Variants in CACNA1I observed in about 807,000 individuals in gnomAD.
CACNA1I encodes the protein calcium voltage-gated channel subunit alpha1 I, also known as voltage-dependent T-type calcium channel subunit alpha-1I.
CACNA1I carries 74 observed loss-of-function variants against 201.6 expected under a neutral mutation model. The ratio of observed to expected loss-of-function variants is 0.37; its 90% confidence interval spans 0.30 to 0.45. CACNA1I has a LOEUF of 0.45. CACNA1I is among the 20% of genes least tolerant of loss of function. The pLI is 1.00. For missense variants in CACNA1I, 2,346 were observed against 3,138.1 expected, an observed-to-expected ratio of 0.75 and a Z score of 6.03; for synonymous variants, 1,431 against 1,345.2, an observed-to-expected ratio of 1.06 and a Z score of -1.40.
At chr22:39,576,199 G>C (rs1452266919) in intron 1 of CACNA1I, among the ~76,000 whole-genome samples, 1 of 152,228 alleles carries the variant, frequency 6.6e-6, no homozygotes, top group African/African-American at 2.4e-5. Context: ...GTTGATTAAA[G>C]ATGATTAGCG....
At chr22:39,571,071 T>G (rs1367965736) in intron 1 of CACNA1I, 83 bp downstream of exon 1, 7 of 1,222,286 alleles carry the variant, frequency 5.7e-6, no homozygotes, top group Non-Finnish European at 8.4e-6. Flanking sequence ...GCTCACACCT[T>G]GCTCCGGCTG....
Position 39,665,687 on chromosome 22 carries a change from C to A in CACNA1I, c.3978+63C>A. The stretch of plus-strand genomic sequence containing the variant: ...TGACTGGGGAAAAGGAAGTCTCAGA[C>A]AGCCAGGGGAGAGACTCCACATTCC... On this transcript the variant is annotated intron_variant, in intron 22 of 36. Coordinates refer to ENST00000402142, the MANE Select transcript of CACNA1I (RefSeq NM_021096.4). The surrounding 1 kb of genome is among the most constrained non-coding windows in gnomAD (Gnocchi z 5.5). 6.3e-7 allele frequency: 1 copy of A among 1,588,308 alleles called. No homozygotes were observed. The highest frequency in any genetic ancestry group is 8.6e-7 in the Non-Finnish European group (1 of 1,162,124).
rs938285658 is a variant in CACNA1I at position 39,684,984 on chromosome 22, A to G, written c.6027+486A>G. ...GGCCAGGGCCACAGCCCTCCTACCCACGGGCACACAGAGGTCTGAAGCACT... is the reference window on the plus strand; with the variant it reads ...GGCCAGGGCCACAGCCCTCCTACCCGCGGGCACACAGAGGTCTGAAGCACT... On this transcript the variant is annotated intron_variant, in intron 36 of 36. Transcript: ENST00000402142. The surrounding 1 kb of genome is among the most constrained non-coding windows in gnomAD (Gnocchi z 4.6). 1 of 228,340 alleles carries G rather than the reference A, an allele frequency of 4.4e-6. No individual in the cohort carries two copies. Among genetic ancestry groups the G allele is most frequent in the Middle Eastern group, 1.6e-3 (1 of 640 alleles). The allele number at this position is 228,340 out of a possible 1,614,324, so 14.1% of individuals were successfully genotyped here.
At chr22:39,669,979 C>T (rs1238835018) in intron 24 of CACNA1I, 59 bp from the exon 25 acceptor site, 23 of 1,592,946 alleles carry the variant, frequency 1.4e-5, no homozygotes, top group Non-Finnish European at 2.0e-5. Context: ...GGATGGGCAC[C>T]TCCCCATGGC....
chr22:39,656,151 T>G (rs1205966642), intron 10 of CACNA1I, among the ~76,000 whole-genome samples: 1 of 152,204 alleles, frequency 6.6e-6, no homozygotes, highest in African/African-American at 2.4e-5. Flanking sequence ...TCTCCTTTCA[T>G]CTGGGCTTGA....
chr22:39,667,845 C>T (rs937164448), intron 23 of CACNA1I, among the ~76,000 whole-genome samples: 7 of 152,210 alleles, frequency 4.6e-5, no homozygotes, highest in African/African-American at 1.4e-4. Flanking sequence ...CTCTCACGAG[C>T]TCCTGTTTTC....
intron 31 of CACNA1I, among the ~76,000 whole-genome samples, 185 bp from the exon 32 acceptor site, chr22:39,678,922 G>A (rs1051767736): frequency 6.6e-6 from 1 of 152,206 alleles, no homozygotes; most frequent in Non-Finnish European, 1.5e-5. Flanking sequence ...TCCATGCGGG[G>A]ACTTAGCTGA....
At position 39,681,021 on chromosome 22, in the gene CACNA1I, C is replaced by T; in HGVS notation, c.5633C>T (p.Thr1878Ile). 1 of 1,610,874 alleles carries T rather than the reference C, an allele frequency of 6.2e-7. No individual in the cohort carries two copies. Among genetic ancestry groups the T allele is most frequent in the East Asian group, 2.2e-5 (1 of 44,848 alleles). ...GACGACCTGAGTCTCGAGGACCCCA[C>T]AGCCTGCCCACCTGGCCGCAAAGAC... ...LGDDLSLEDPTACPPGRKDSK... is the reference protein window; with the variant it reads ...LGDDLSLEDPIACPPGRKDSK... The change falls in exon 34 of 37, where the codon ACA becomes ATA. Residue 1878 changes from threonine to isoleucine, a missense_variant. Around this residue, in one of 13 missense-constraint regions of CACNA1I, gnomAD observed 441 missense variants for 555.6 expected, o/e 0.79. Transcript: ENST00000402142.
At chr22:39,611,888 CT>C (rs909653780) in intron 3 of CACNA1I, among the ~76,000 whole-genome samples, 1 of 152,186 alleles carries the variant, frequency 6.6e-6, no homozygotes, top group African/African-American at 2.4e-5. Context: ...CAAATCCCCC[CT>C]GTACTCTGAG....
At chr22:39,580,808 A>G (rs1441645903) in intron 1 of CACNA1I, among the ~76,000 whole-genome samples, 1 of 152,168 alleles carries the variant, frequency 6.6e-6, no homozygotes, top group Non-Finnish European at 1.5e-5. Context: ...GGAAAGACTG[A>G]GGCATAGAAA....
intron 1 of CACNA1I, among the ~76,000 whole-genome samples, chr22:39,583,254 A>G (rs894073480): frequency 4.0e-5 from 6 of 151,850 alleles, no homozygotes; most frequent in Non-Finnish European, 7.4e-5. Context: ...TCATTCATCA[A>G]TCCAACTGTC....
At chr22:39,653,169 G>GTGGGTGCACGGATTCCCCCACAC (rs1306953128) in intron 10 of CACNA1I, among the ~76,000 whole-genome samples, 12 of 151,778 alleles carry the variant, frequency 7.9e-5, no homozygotes, top group Non-Finnish European at 1.0e-4. Context: ...TGACTGCATT[G>GTGGGTGCACGGATTCCCCCACAC]AGAACCTGGC....
chr22:39,600,294 C>A (rs1932995819), intron 2 of CACNA1I, among the ~76,000 whole-genome samples: 1 of 152,142 alleles, frequency 6.6e-6, no homozygotes, highest in Admixed American at 6.5e-5. Context: ...GCTGTATGAC[C>A]TTGGGCAAAC....
At chr22:39,575,885 C>T (rs1427551069) in intron 1 of CACNA1I, among the ~76,000 whole-genome samples, 9 of 152,042 alleles carry the variant, frequency 5.9e-5, no homozygotes, top group African/African-American at 1.9e-4. Context: ...AGTGATTCTC[C>T]CACCTCAGCC....
Sources: gnomAD v4.1 joint callset for allele counts (sites outside exome capture counted in the v4.1 genomes callset) on GRCh38, gnomAD v4.1.1 for gene constraint, gnomAD v4.1.1 regional missense constraint, Gnocchi (gnomAD v3.1) non-coding constraint, MANE v1.5 for transcripts, NCBI Gene and HGNC (gene_info 2026-07-23, HGNC 2026-07-21) for gene names.